The following TRIQK variants were observed in gnomAD, a reference collection of about 807,000 sequenced individuals.
TRIQK encodes triple QxxK/R motif containing.
Under a neutral mutation model 10.8 loss-of-function variants are expected in TRIQK, and 10 were observed. The observed-to-expected ratio is 0.92, with a 90% CI of 0.57 to 1.57. The LOEUF (loss-of-function observed/expected upper bound fraction) is 1.57. TRIQK is among the 40% of genes most tolerant of loss of function. TRIQK has a pLI of 0.00. For synonymous variants in TRIQK, 33 were observed against 33.7 expected, an observed-to-expected ratio of 0.98 and a Z score of 0.07; for missense variants, 107 against 97.7, an observed-to-expected ratio of 1.09 and a Z score of -0.40.
intron 1 of TRIQK, among the ~76,000 whole-genome samples, chr8:92,958,707 C>G (rs775834499): frequency 6.6e-6 from 1 of 151,970 alleles, no homozygotes. Flanking sequence ...ATCTGAGTCC[C>G]TTGAACTGAA....
chr8:92,902,113 A>G (rs546172116), intron 3 of TRIQK, among the ~76,000 whole-genome samples: 1 of 152,188 alleles, frequency 6.6e-6, no homozygotes, highest in South Asian at 2.1e-4. Flanking sequence ...ATACACCCCA[A>G]GTCCACTGGT....
At chr8:92,950,549 TCTA>T (rs1382458237) in intron 2 of TRIQK, among the ~76,000 whole-genome samples, 2 of 152,172 alleles carry the variant, frequency 1.3e-5, no homozygotes, top group African/African-American at 2.4e-5. Context: ...TGATGTTTTT[TCTA>T]CTAAGTCTGT....
At chr8:92,947,012 G>A (rs927597436) in intron 2 of TRIQK, among the ~76,000 whole-genome samples, 7 of 151,400 alleles carry the variant, frequency 4.6e-5, no homozygotes, top group East Asian at 2.0e-4. Context: ...TGATCCGCCC[G>A]CCTTGGCCTC....
intron 2 of TRIQK, chr8:92,927,942 A>G (rs1321992838): frequency 6.6e-6 from 1 of 152,228 alleles, no homozygotes; most frequent in African/African-American, 2.4e-5. Context: ...ATTCACAGGT[A>G]TGTGAACAAT....
intron 2 of TRIQK, among the ~76,000 whole-genome samples, chr8:92,924,052 T>G (rs1810319808): frequency 6.6e-6 from 1 of 151,982 alleles, no homozygotes; most frequent in Non-Finnish European, 1.5e-5. Context: ...ATAATTATCT[T>G]AGTTTTTAAG....
At chr8:93,017,110 G>GGAGAGAGAGAGAGA (rs3062508) in intron 1 of TRIQK, among the ~76,000 whole-genome samples, 3 of 93,338 alleles carry the variant, frequency 3.2e-5, no homozygotes, top group Admixed American at 1.2e-4. Flanking sequence ...ATATATACTT[G>GGAGAGAGAGAGAGA]GAGAGAGAGA....
rs185034050 is a variant in TRIQK at position 92,884,860 on chromosome 8, G to A, written c.*1762C>T. 1.8e-3 allele frequency: 834 copies of A among 455,976 alleles called. 11 individuals are homozygous for A. The Admixed American group carries it at 0.019, about 10-fold the overall frequency. 28.2% of individuals were successfully genotyped at this position (455,976 alleles called of 1,614,324 possible). A position where few individuals can be genotyped will look rare whatever the true frequency, so the allele number is the denominator to read the frequency against. ...TGTGATGGGAGTGGGGGGGTGGGGAGCAGTATTTCTTGACATGTGGCATGT... is the reference window on the plus strand; with the variant it reads ...TGTGATGGGAGTGGGGGGGTGGGGAACAGTATTTCTTGACATGTGGCATGT... On this transcript the variant is annotated 3_prime_UTR_variant, in exon 5 of 5. Coordinates refer to ENST00000521988, the MANE Select transcript of TRIQK (RefSeq NM_001171797.2).
intron 2 of TRIQK, among the ~76,000 whole-genome samples, chr8:92,951,622 G>A (rs912372089): frequency 3.9e-5 from 6 of 152,106 alleles, no homozygotes; most frequent in Admixed American, 6.6e-5. Flanking sequence ...CCAGGAGCTC[G>A]ACTAGCTTCT....
At chr8:93,003,049 C>A (rs940807042) in intron 1 of TRIQK, among the ~76,000 whole-genome samples, 1 of 152,078 alleles carries the variant, frequency 6.6e-6, no homozygotes, top group Non-Finnish European at 1.5e-5. Context: ...GTCAATATCC[C>A]TAATTAACAT....
intron 1 of TRIQK, among the ~76,000 whole-genome samples, chr8:92,986,728 T>C (rs1813037611): frequency 6.6e-6 from 1 of 152,146 alleles, no homozygotes; most frequent in Non-Finnish European, 1.5e-5. Context: ...ATAAAATTTG[T>C]TTCATTGTAG....
intron 3 of TRIQK, among the ~76,000 whole-genome samples, chr8:92,907,229 A>C (rs1308465560): frequency 6.6e-6 from 1 of 152,154 alleles, no homozygotes; most frequent in African/African-American, 2.4e-5. Context: ...TCTGTGGCTC[A>C]CATCCTATAA....
intron 1 of TRIQK, among the ~76,000 whole-genome samples, chr8:92,980,357 G>T (rs1358402290): frequency 6.6e-6 from 1 of 151,418 alleles, no homozygotes; most frequent in Non-Finnish European, 1.5e-5. Context: ...TTTATAATTG[G>T]CATATGGGGG....
At chr8:93,010,811 G>A (rs1185450075) in intron 1 of TRIQK, among the ~76,000 whole-genome samples, 1 of 152,084 alleles carries the variant, frequency 6.6e-6, no homozygotes, top group Admixed American at 6.5e-5. Flanking sequence ...AACATAAAGA[G>A]GGAAAATAGG....
chr8:92,949,814 GAAAGA>G (rs1357999491), intron 2 of TRIQK, among the ~76,000 whole-genome samples: 1 of 101,354 alleles, frequency 9.9e-6, no homozygotes. Context: ...AAGAAAGAAA[GAAAGA>G]AAGAAAGAAA....
chr8:93,002,792 A>T (rs1052750833), intron 1 of TRIQK, among the ~76,000 whole-genome samples: 3 of 151,664 alleles, frequency 2.0e-5, no homozygotes, highest in African/African-American at 7.3e-5. Context: ...TGGTAGGGGG[A>T]GTCTGTAATC....
intron 1 of TRIQK, chr8:92,972,663 G>A (rs1179930011): frequency 6.6e-6 from 1 of 152,288 alleles, no homozygotes; most frequent in East Asian, 1.9e-4. Context: ...AAGAACACAG[G>A]AAAGTGAAGT....
chr8:92,896,265 A>C (rs1263402571), intron 3 of TRIQK, among the ~76,000 whole-genome samples: 1 of 152,160 alleles, frequency 6.6e-6, no homozygotes, highest in Admixed American at 6.5e-5. Flanking sequence ...CGGGGACACA[A>C]GGGATAAGTC....
intron 1 of TRIQK, among the ~76,000 whole-genome samples, chr8:92,954,973 A>G (rs562547413): frequency 6.6e-6 from 1 of 151,926 alleles, no homozygotes; most frequent in Non-Finnish European, 1.5e-5. Context: ...TTTAAAAACA[A>G]TTGTATTTAT....
intron 2 of TRIQK, 158 bp downstream of exon 2, chr8:92,954,248 T>A (rs1563658722): frequency 6.6e-6 from 1 of 151,934 alleles, no homozygotes; most frequent in Non-Finnish European, 1.5e-5. Flanking sequence ...AGTAAAAACA[T>A]TTCCTTATTG....
Sources: gnomAD v4.1 joint callset for allele counts (sites outside exome capture counted in the v4.1 genomes callset) on GRCh38, gnomAD v4.1.1 for gene constraint, MANE v1.5 for transcripts, NCBI Gene and HGNC (gene_info 2026-07-23, HGNC 2026-07-21) for gene names.